The following PREX1 variants were observed in gnomAD, a reference collection of about 807,000 sequenced individuals.
PREX1 encodes the protein phosphatidylinositol-3,4,5-trisphosphate dependent Rac exchange factor 1.
A neutral mutation model predicts 198.3 loss-of-function variants in PREX1; 41 were observed. That is an observed-to-expected ratio of 0.21 (90% CI 0.16 to 0.27). PREX1 has a LOEUF of 0.27. Ranked by LOEUF, PREX1 falls within the 10% of genes least tolerant of loss-of-function variation. PREX1 has a pLI of 1.00. For missense variants in PREX1, 1,620 were observed against 2,200.7 expected, an observed-to-expected ratio of 0.74 and a Z score of 5.28; for synonymous variants, 843 against 887.2, an observed-to-expected ratio of 0.95 and a Z score of 0.89.
intron 1 of PREX1, among the ~76,000 whole-genome samples, chr20:48,757,460 T>C (rs2090160373): frequency 6.6e-6 from 1 of 152,262 alleles, no homozygotes; most frequent in Non-Finnish European, 1.5e-5. Flanking sequence ...GGTGGGCTAC[T>C]GCATCCCCTT....
chr20:48,755,085 A>T (rs548552530), intron 1 of PREX1, among the ~76,000 whole-genome samples: 1 of 152,352 alleles, frequency 6.6e-6, no homozygotes, highest in African/African-American at 2.4e-5. Context: ...GTTTAGTTAA[A>T]TAAATTACCA....
At chr20:48,751,587 T>G (rs901816030) in intron 1 of PREX1, among the ~76,000 whole-genome samples, 6 of 152,158 alleles carry the variant, frequency 3.9e-5, no homozygotes, top group African/African-American at 1.4e-4. Flanking sequence ...CAGCACGGCG[T>G]CCCCTGCACT....
chr20:48,710,623 T>C (rs2089926101), intron 5 of PREX1, among the ~76,000 whole-genome samples: 2 of 152,206 alleles, frequency 1.3e-5, no homozygotes, highest in South Asian at 4.1e-4. Context: ...CCCCGTGCTA[T>C]TTACGACTTT....
intron 29 of PREX1, 82 bp from the exon 30 acceptor site, chr20:48,639,976 T>G: frequency 6.6e-7 from 1 of 1,506,990 alleles, no homozygotes; most frequent in South Asian, 1.2e-5. Flanking sequence ...CTATGTCCCA[T>G]CACAGATCCC....
chr20:48,739,423 G>C (rs1199139910), intron 3 of PREX1, among the ~76,000 whole-genome samples: 1 of 152,178 alleles, frequency 6.6e-6, no homozygotes, highest in African/African-American at 2.4e-5. Context: ...ATTATTTGAT[G>C]TTTACCTGAA....
At chr20:48,868,935 G>A in the PREX1 span, among the ~76,000 whole-genome samples, 2 of 151,686 alleles carry the variant, frequency 1.3e-5, no homozygotes, top group Admixed American at 1.3e-4. Flanking sequence ...GGAGTGCAGT[G>A]GCACAAACAG....
At chr20:48,749,538 G>A (rs2090124787) in intron 1 of PREX1, among the ~76,000 whole-genome samples, 1 of 152,222 alleles carries the variant, frequency 6.6e-6, no homozygotes, top group African/African-American at 2.4e-5. Context: ...TAAGCAGAGA[G>A]GAGGCTAGCC....
chr20:48,642,458 T>C lies in PREX1; in HGVS notation c.3633A>G (p.Pro1211=). Residue 1211 remains proline, a synonymous_variant, in exon 28 of 40, where the codon CCA becomes CCG. Transcript: ENST00000371941. ...CATGAAGCTTGTCCTGCTTGTCAGA[T>C]GGGATCCGCATGTCACAGGGCAGCT... ...GDELPCDMRI[P]SDKQDKLHGC... 6.2e-7 allele frequency: 1 copy of C among 1,613,720 alleles called. No individual in the cohort carries two copies. The highest frequency in any genetic ancestry group is 1.1e-5 in the South Asian group (1 of 91,046).
intron 3 of PREX1, among the ~76,000 whole-genome samples, chr20:48,744,469 A>T (rs540506821): frequency 6.6e-6 from 1 of 152,308 alleles, no homozygotes; most frequent in African/African-American, 2.4e-5. Context: ...TAGTACAGAA[A>T]AAGAGGGTAT....
chr20:48,816,542 T>C (rs2090460035), intron 1 of PREX1, among the ~76,000 whole-genome samples: 1 of 152,068 alleles, frequency 6.6e-6, no homozygotes, highest in African/African-American at 2.4e-5. Flanking sequence ...AGAGTACAAG[T>C]ACACTTCTAG....
the PREX1 span, among the ~76,000 whole-genome samples, chr20:48,837,797 C>T: frequency 6.6e-6 from 1 of 151,200 alleles, no homozygotes; most frequent in Non-Finnish European, 1.5e-5. Context: ...AACAAACCTG[C>T]ACAGGTACCC....
chr20:48,855,379 C>T, the PREX1 span, among the ~76,000 whole-genome samples: 1 of 152,026 alleles, frequency 6.6e-6, no homozygotes, highest in Admixed American at 6.6e-5. Context: ...AGGAGAGAGA[C>T]CCTGGGTACC....
chr20:48,662,962 C>A (rs1478875931), intron 15 of PREX1, among the ~76,000 whole-genome samples: 1 of 152,180 alleles, frequency 6.6e-6, no homozygotes, highest in Non-Finnish European at 1.5e-5. Context: ...TTGTGCCCAG[C>A]TGACTGGCGG....
chr20:48,796,253 A>T (rs1471080185), intron 1 of PREX1, among the ~76,000 whole-genome samples: 1 of 152,158 alleles, frequency 6.6e-6, no homozygotes, highest in Non-Finnish European at 1.5e-5. Flanking sequence ...GTAATGGCAA[A>T]AGATGGGCAC....
chr20:48,809,031 G>A lies in PREX1; in HGVS notation c.219+18611C>T, dbSNP rs371256291. Among the ~76,000 whole-genome samples, 130 of 152,272 alleles carry A rather than the reference G, an allele frequency of 8.5e-4. 2 individuals are homozygous for A. In the South Asian group the frequency reaches 0.019, roughly 23 times the overall value. On this transcript the variant is annotated intron_variant, in intron 1 of 39. Coordinates refer to ENST00000371941, the MANE Select transcript of PREX1 (RefSeq NM_020820.4). The stretch of plus-strand genomic sequence containing the variant: ...CTTTCTGAGCCTCTGCTTCCTCATC[G>A]ACACAATAAACAGGCAACGCAGGAA...
In PREX1 at chr20:48,632,553, G is replaced by A. The variant is rs148509011; in HGVS notation, c.4354C>T (p.Pro1452Ser). Reference sequence around the variant, plus strand: ...CTGGCCCCACCCTCCAGGCGGGAGGGCAGCTTGGAGAAGTGGTAGCTGTCG... The same window carrying A: ...CTGGCCCCACCCTCCAGGCGGGAGGACAGCTTGGAGAAGTGGTAGCTGTCG... ...YLDSYHFSKL[P>S]SRLEGGASLR... Residue 1452 changes from proline to serine, a missense_variant, in exon 34 of 40, where the codon CCC becomes TCC. Physicochemically the swap from Pro to Ser is moderately conservative, Grantham distance 74. Around this residue, in one of 7 missense-constraint regions of PREX1, gnomAD observed 476 missense variants for 603.4 expected, o/e 0.79. Coordinates refer to ENST00000371941, the MANE Select transcript of PREX1 (RefSeq NM_020820.4). The A allele has an allele frequency of 6.2e-7, 1 of 1,613,882 alleles. No homozygotes were observed. Among genetic ancestry groups the A allele is most frequent in the African/African-American group, 1.3e-5 (1 of 74,940 alleles).
chr20:48,887,499 G>A, the PREX1 span, among the ~76,000 whole-genome samples: 5 of 152,098 alleles, frequency 3.3e-5, no homozygotes, highest in African/African-American at 4.8e-5. Context: ...TCACACCTGT[G>A]GTCCCAGCTA....
At position 48,708,271 on chromosome 20, in the gene PREX1, C is replaced by T. The variant is rs2089913070; in HGVS notation, c.772G>A (p.Glu258Lys). ...TGTCCTGTACACACCTCCCAGCCTT[C>T]GATGTGGGACTGCAGCTGCTCCAGG... ...EALEQLQSHI[E>K]GWEGSNLTDI... The change falls in exon 6 of 40, where the codon GAA becomes AAA. Residue 258 changes from glutamate to lysine, a missense_variant. Coordinates refer to ENST00000371941, the MANE Select transcript of PREX1 (RefSeq NM_020820.4). 2 of 1,613,978 alleles carry T rather than the reference C, an allele frequency of 1.2e-6. No individual in the cohort carries two copies. The highest frequency in any genetic ancestry group is 1.7e-6 in the Non-Finnish European group (2 of 1,180,022).
chr20:48,866,922 C>T, the PREX1 span, among the ~76,000 whole-genome samples: 1 of 151,866 alleles, frequency 6.6e-6, no homozygotes, highest in South Asian at 2.1e-4. Flanking sequence ...GAGGGAGATC[C>T]TATCTCAAAA....
Sources: gnomAD v4.1 joint callset for allele counts (sites outside exome capture counted in the v4.1 genomes callset) on GRCh38, gnomAD v4.1.1 for gene constraint, gnomAD v4.1.1 regional missense constraint, MANE v1.5 for transcripts, NCBI Gene and HGNC (gene_info 2026-07-23, HGNC 2026-07-21) for gene names.